The following NETO2 variants were observed in gnomAD, a reference collection of about 807,000 sequenced individuals.
NETO2 encodes the protein neuropilin and tolloid-like protein 2.
A neutral mutation model predicts 62.5 loss-of-function variants in NETO2; 28 were observed. The observed-to-expected ratio is 0.45, with a 90% confidence interval of 0.33 to 0.61. The LOEUF is 0.61. NETO2 is among the 20% of genes least tolerant of loss of function. NETO2 has a pLI of 0.02. For missense variants in NETO2, 548 were observed against 643.2 expected (o/e 0.85, Z 1.60); for synonymous variants, 214 against 219.1 (o/e 0.98, Z 0.21).
Position 47,122,714 on chromosome 16 carries a change from T to C in NETO2, c.597A>G (p.Thr199=). 1 of 1,614,178 alleles carries C rather than the reference T, an allele frequency of 6.2e-7. No individual in the cohort carries two copies. The highest frequency in any genetic ancestry group is 1.7e-5 in the Admixed American group (1 of 60,028). ...RSSQVEQEEK[T]KPGQAVDCIW... ...TGCAATCAACGGCTTGGCCTGGTTT[T>C]GTTTTCTCCTCTTGTTCTACCTGAC... Residue 199 remains threonine (T), a synonymous_variant, in exon 6 of 9, where the codon ACA becomes ACG. Transcript: ENST00000562435.
In NETO2 at chr16:47,082,922, C is replaced by T. The variant is rs1448018477; in HGVS notation, c.*299G>A. The stretch of plus-strand genomic sequence containing the variant: ...CTTGTTGCTAAAACGAAGAGGCAGC[C>T]TGAGCCTGGCTCCATCCAACCACCT... On this transcript the variant is annotated 3_prime_UTR_variant, in exon 9 of 9. Coordinates refer to ENST00000562435, the MANE Select transcript of NETO2 (RefSeq NM_018092.5). The T allele has an allele frequency of 3.4e-6, 1 of 290,396 alleles. No individual in the cohort carries two copies. The highest frequency in any genetic ancestry group is 6.3e-6 in the Non-Finnish European group (1 of 157,602). The allele number at this position is 290,396 out of a possible 1,614,324, so 18.0% of individuals were successfully genotyped here. A position where few individuals can be genotyped will look rare whatever the true frequency, so the allele number is the denominator to read the frequency against.
chr16:47,094,137 T>C (rs867141605), intron 7 of NETO2, among the ~76,000 whole-genome samples: 24 of 152,258 alleles, frequency 1.6e-4, no homozygotes, highest in Middle Eastern at 3.4e-3. Flanking sequence ...TTAAGGGCCA[T>C]TCAAATTCAA....
rs1301876513 is a variant in NETO2, at chr16:47,102,722, C to T, written c.883+6761G>A. On this transcript the variant is annotated intron_variant, in intron 7 of 8. Transcript: ENST00000562435. ...CATCATCACGGTCATTAGAGAAATG[C>T]AAATCAAAACCACAATGAGCTACCA... 3.3e-5 allele frequency among the ~76,000 whole-genome samples: 5 copies of T among 152,110 alleles called. No homozygotes were observed. The East Asian group carries it at 9.6e-4, about 29-fold the overall frequency.
At chr16:47,121,516 G>C (rs1254454638) in intron 6 of NETO2, among the ~76,000 whole-genome samples, 1 of 152,142 alleles carries the variant, frequency 6.6e-6, no homozygotes, top group Non-Finnish European at 1.5e-5. Flanking sequence ...ATAAAGCTAG[G>C]GGGGACCCCA....
intron 8 of NETO2, among the ~76,000 whole-genome samples, chr16:47,084,596 C>T (rs1401852939): frequency 6.6e-6 from 1 of 152,208 alleles, no homozygotes; most frequent in East Asian, 1.9e-4. Flanking sequence ...AGGAAATAAA[C>T]TCCTGGCTTG....
At chr16:47,135,011 A>C (rs1293643349) in intron 1 of NETO2, among the ~76,000 whole-genome samples, 4 of 152,230 alleles carry the variant, frequency 2.6e-5, no homozygotes, top group Non-Finnish European at 5.9e-5. Context: ...TGTGCCACTA[A>C]ATATAAAAAC....
chr16:47,130,758 C>G (rs1432334931), intron 2 of NETO2, among the ~76,000 whole-genome samples: 1 of 152,128 alleles, frequency 6.6e-6, no homozygotes, highest in Non-Finnish European at 1.5e-5. Flanking sequence ...TAAAGTTTTA[C>G]TGGAATATAC....
chr16:47,117,424 T>A (rs1454371388), intron 6 of NETO2, among the ~76,000 whole-genome samples: 2 of 152,208 alleles, frequency 1.3e-5, no homozygotes, highest in Non-Finnish European at 2.9e-5. Flanking sequence ...TTTGGGACTT[T>A]TTAGCAATTT....
chr16:47,101,175 G>A (rs1325460601), intron 7 of NETO2, among the ~76,000 whole-genome samples: 1 of 151,918 alleles, frequency 6.6e-6, no homozygotes, highest in African/African-American at 2.4e-5. Flanking sequence ...CAGACCCAAT[G>A]AGAAAAACCA....
At chr16:47,122,271 CTG>C (rs1363137254) in intron 6 of NETO2, among the ~76,000 whole-genome samples, 1 of 152,186 alleles carries the variant, frequency 6.6e-6, no homozygotes, top group African/African-American at 2.4e-5. Flanking sequence ...ACGACCAACT[CTG>C]TAACTTTTGA....
Position 47,119,152 on chromosome 16 carries a change from TTTTC to T in NETO2, c.654+3501_654+3504del, listed in dbSNP as rs1350849220. Among the ~76,000 whole-genome samples the T allele has an allele frequency of 3.9e-4, 59 of 151,552 alleles. 1 individual carries two copies. The highest frequency in any genetic ancestry group is 3.4e-3 in the Middle Eastern group (1 of 294). ...TCTAATATTATTTATGTTTTTTTCT[TTTTC>T]TTTTTTTTTTTTTGAGATGGAGTCT... is the stretch of plus-strand genomic sequence containing the variant. On this transcript the variant is annotated intron_variant, in intron 6 of 8. Transcript: ENST00000562435.
chr16:47,084,322 C>A (rs2143794943), intron 8 of NETO2, among the ~76,000 whole-genome samples: 2 of 152,306 alleles, frequency 1.3e-5, no homozygotes, highest in South Asian at 4.1e-4. Flanking sequence ...GATTAGATCA[C>A]CTTTCCACAG....
At chr16:47,119,801 T>C (rs188543654) in intron 6 of NETO2, among the ~76,000 whole-genome samples, 45 of 152,334 alleles carry the variant, frequency 3.0e-4, no homozygotes, top group African/African-American at 9.9e-4. Flanking sequence ...TCCAAACATA[T>C]GGAGTTTTAA....
chr16:47,128,650 C>T, intron 3 of NETO2, 77 bp from the exon 4 acceptor site: 1 of 1,494,488 alleles, frequency 6.7e-7, no homozygotes, highest in Non-Finnish European at 9.0e-7. Flanking sequence ...ATGAGAAAAG[C>T]AGAATAACTG....
chr16:47,125,560 G>C (rs1486634596), intron 4 of NETO2, among the ~76,000 whole-genome samples: 1 of 152,158 alleles, frequency 6.6e-6, no homozygotes, highest in East Asian at 1.9e-4. Context: ...TGGCCAGGCT[G>C]ATCTCAAACT....
At position 47,083,150 on chromosome 16, in the gene NETO2, G is replaced by A; in HGVS notation, c.*71C>T. The A allele has an allele frequency of 1.5e-6, 2 of 1,378,250 alleles. No homozygotes were observed. Among genetic ancestry groups the A allele is most frequent in the South Asian group, 2.8e-5 (2 of 72,002 alleles). 85.4% of individuals were successfully genotyped at this position (1,378,250 alleles called of 1,614,324 possible). A position where few individuals can be genotyped will look rare whatever the true frequency, so the allele number is the denominator to read the frequency against. ...TGATGGGAGAAAAGGGTTGGCTGCTGGAAACAGTATGGTGCCCTGGAGGCT... is the reference window on the plus strand; with the variant it reads ...TGATGGGAGAAAAGGGTTGGCTGCTAGAAACAGTATGGTGCCCTGGAGGCT... On this transcript the variant is annotated 3_prime_UTR_variant, in exon 9 of 9. Coordinates refer to ENST00000562435, the MANE Select transcript of NETO2 (RefSeq NM_018092.5).
At chr16:47,118,980 GTTC>G (rs952503727) in intron 6 of NETO2, among the ~76,000 whole-genome samples, 12 of 151,824 alleles carry the variant, frequency 7.9e-5, no homozygotes, top group African/African-American at 2.7e-4. Context: ...TAATCTATAG[GTTC>G]TTGTTTTTTC....
At chr16:47,128,913 T>G (rs1412203874) in intron 3 of NETO2, among the ~76,000 whole-genome samples, 3 of 152,222 alleles carry the variant, frequency 2.0e-5, no homozygotes, top group African/African-American at 7.2e-5. Flanking sequence ...AACTCACTTA[T>G]GTGGACATAA....
rs113148048 is a variant in NETO2 at position 47,118,293 on chromosome 16, T to C, written c.654+4364A>G. ...TCAGGGACTCAGAGGTGGTTTATACTGTAACATGGTTCCCAACACTGCTGC... is the reference window on the plus strand; with the variant it reads ...TCAGGGACTCAGAGGTGGTTTATACCGTAACATGGTTCCCAACACTGCTGC... On this transcript the variant is annotated intron_variant, in intron 6 of 8. Coordinates refer to ENST00000562435, the MANE Select transcript of NETO2 (RefSeq NM_018092.5). Among the ~76,000 whole-genome samples the C allele has an allele frequency of 8.3e-3, 1,257 of 152,286 alleles. 12 individuals carry two copies. The highest frequency in any genetic ancestry group is 0.014 in the Non-Finnish European group (953 of 68,038).
Sources: allele counts gnomAD v4.1 joint callset (sites outside exome capture counted in the v4.1 genomes callset), GRCh38; gene constraint gnomAD v4.1.1; transcripts MANE v1.5; gene names NCBI Gene and HGNC (gene_info 2026-07-23, HGNC 2026-07-21).